TTC3: variants seen among roughly 807,000 people sequenced by gnomAD.
The protein encoded by TTC3 is tetratricopeptide repeat domain 3.
A neutral mutation model predicts 249.6 loss-of-function variants in TTC3; 180 were observed. The observed-to-expected ratio is 0.72, with a 90% CI of 0.64 to 0.82. TTC3 has a LOEUF of 0.82. Ranked by LOEUF, TTC3 falls within the 40% of genes least tolerant of loss-of-function variation. TTC3 has a pLI of 0.00. For synonymous variants in TTC3, 717 were observed against 805.0 expected (o/e 0.89, Z 1.85); for missense variants, 2,061 against 2,398.4 (o/e 0.86, Z 2.94).
At chr21:37,152,915 C>T in intron 26 of TTC3, 36 bp from the exon 27 acceptor site, 9 of 1,459,388 alleles carry the variant, frequency 6.2e-6, no homozygotes, top group East Asian at 4.7e-5. Flanking sequence ...TGAATTAGTC[C>T]TATTTATCAC....
At chr21:37,135,276 C>A in intron 17 of TTC3, 104 bp from the exon 18 acceptor site, 2 of 1,263,324 alleles carry the variant, frequency 1.6e-6, no homozygotes, top group Non-Finnish European at 2.2e-6. Context: ...TTGATGTAAA[C>A]ATTTTATCAT....
At chr21:37,123,120 A>G in intron 13 of TTC3, 92 bp downstream of exon 13, 1 of 1,306,910 alleles carries the variant, frequency 7.7e-7, no homozygotes, top group Non-Finnish European at 1.1e-6. Context: ...TTTAGGAGCT[A>G]ATAGCAACCA....
At chr21:37,169,256 A>T (rs2081517277) in intron 34 of TTC3, among the ~76,000 whole-genome samples, 1 of 152,218 alleles carries the variant, frequency 6.6e-6, no homozygotes, top group African/African-American at 2.4e-5. Context: ...ATGGGTATGG[A>T]AGAGAAACTA....
intron 39 of TTC3, 34 bp downstream of exon 39, chr21:37,188,629 A>G: frequency 6.5e-7 from 1 of 1,537,632 alleles, no homozygotes; most frequent in Non-Finnish European, 9.0e-7. Flanking sequence ...TCAGCACGTC[A>G]TTTAGAAGAT....
At chr21:37,173,268 C>A (rs569127951) in intron 35 of TTC3, among the ~76,000 whole-genome samples, 1 of 152,262 alleles carries the variant, frequency 6.6e-6, no homozygotes, top group African/African-American at 2.4e-5. Flanking sequence ...AAAACTGCCT[C>A]GTTAGTAAGG....
At chr21:37,153,354 C>T (rs748322930) in intron 27 of TTC3, 77 bp downstream of exon 27, 1 of 1,259,754 alleles carries the variant, frequency 7.9e-7, no homozygotes, top group South Asian at 1.5e-5. Context: ...TTTTCATTTT[C>T]CTGCCATATA....
chr21:37,147,542 G>T, exon 22 of TTC3: 1 of 1,610,796 alleles, frequency 6.2e-7, no homozygotes. Flanking sequence ...GCCATTTGTT[G>T]CTATCAGAAG....
Position 37,167,614 on chromosome 21 carries a change from AC to A in TTC3, c.4462del (p.Arg1488AspfsTer29). On this transcript the variant is annotated frameshift_variant, in exon 34 of 46. Transcript: ENST00000355666. LOFTEE classifies it high-confidence loss of function. ...CTGAGCCATATAATCCTTTTGAGGA[AC>A]GACAAGTGAGTCAAAATTACATTAA... 6.2e-7 allele frequency: 1 copy of A among 1,609,486 alleles called. No individual in the cohort carries two copies. Among genetic ancestry groups the A allele is most frequent in the South Asian group, 1.1e-5 (1 of 90,738 alleles).
intron 36 of TTC3, among the ~76,000 whole-genome samples, chr21:37,184,629 ATTTTTTTT>A (rs765134090): frequency 8.2e-6 from 1 of 121,580 alleles, no homozygotes; most frequent in African/African-American, 3.0e-5. Flanking sequence ...TAATTTTTCT[ATTTTTTTT>A]TTTTTTTTTT....
At chr21:37,156,757 A>G (rs1329315997) in exon 28 of TTC3, 7 of 1,614,012 alleles carry the variant, frequency 4.3e-6, no homozygotes, top group Middle Eastern at 1.6e-4. Context: ...TATGGTCACA[A>G]ACTAGACTCT....
intron 39 of TTC3, 28 bp from the exon 40 acceptor site, chr21:37,191,306 A>G (rs1263976691): frequency 6.6e-7 from 1 of 1,506,498 alleles, no homozygotes; most frequent in East Asian, 2.4e-5. Flanking sequence ...TAAAATTTCT[A>G]AAGCAGTTTT....
At position 37,094,012 on chromosome 21, in the gene TTC3, C is replaced by G. The variant is rs773118062; in HGVS notation, c.609C>G (p.Tyr203Ter). The change falls in exon 8 of 46, where the codon TAC (tyrosine) becomes TAG (stop). Residue 203 changes from tyrosine (Y) to a stop codon, truncating the protein, a stop_gained. Coordinates refer to ENST00000355666, the Ensembl canonical transcript of TTC3. LOFTEE classifies it high-confidence loss of function. ...CCTAAAAATAAAATTTAGACAAGTA[C>G]CACATAACTAAAATTGTAATGGAAG... 3 of 1,599,390 alleles carry G rather than the reference C, an allele frequency of 1.9e-6. No homozygotes were observed. The highest frequency in any genetic ancestry group is 2.2e-5 in the South Asian group (2 of 89,664).
chr21:37,106,558 C>G (rs905032146), intron 10 of TTC3, among the ~76,000 whole-genome samples: 1 of 152,108 alleles, frequency 6.6e-6, no homozygotes, highest in African/African-American at 2.4e-5. Flanking sequence ...TCCATCTGGA[C>G]CTGGTGTTTG....
chr21:37,155,718 T>G (rs1240455595), intron 27 of TTC3, among the ~76,000 whole-genome samples: 1 of 152,220 alleles, frequency 6.6e-6, no homozygotes, highest in Non-Finnish European at 1.5e-5. Flanking sequence ...GGAGTGGGGC[T>G]TCACCGTCAT....
chr21:37,187,763 CATT>C (rs2083464657), intron 38 of TTC3: 1 of 152,210 alleles, frequency 6.6e-6, no homozygotes, highest in Non-Finnish European at 1.5e-5. Flanking sequence ...AGTCTGCAAA[CATT>C]AGGCTTTTCA....
At chr21:37,132,597 G>T (rs1053881322) in intron 16 of TTC3, 85 bp from the exon 17 acceptor site, 1 of 993,648 alleles carries the variant, frequency 1.0e-6, no homozygotes. Context: ...ACAGGTATGA[G>T]CCACTGTGCC....
At chr21:37,145,739 A>G (rs1302163364) in intron 21 of TTC3, among the ~76,000 whole-genome samples, 1 of 152,174 alleles carries the variant, frequency 6.6e-6, no homozygotes, top group Non-Finnish European at 1.5e-5. Flanking sequence ...GCTCCTACTC[A>G]TGTCAGAAGG....
intron 22 of TTC3, 112 bp from the exon 23 acceptor site, chr21:37,148,434 C>T: frequency 2.0e-6 from 1 of 509,720 alleles, no homozygotes; most frequent in Admixed American, 3.6e-5. Context: ...CAACTTTATG[C>T]TGTGGAAATA....
chr21:37,082,367 A>G (rs891000231), intron 1 of TTC3: 2 of 445,992 alleles, frequency 4.5e-6, no homozygotes, highest in South Asian at 9.5e-5. Context: ...TCTCTCCTCA[A>G]TGTAGCTGTC....
Sources: allele counts gnomAD v4.1 joint callset (sites outside exome capture counted in the v4.1 genomes callset), GRCh38; gene constraint gnomAD v4.1.1; transcripts MANE v1.5; gene names NCBI Gene and HGNC (gene_info 2026-07-23, HGNC 2026-07-21).